Variants in PDE6C observed in about 807,000 individuals in gnomAD.
PDE6C encodes cone cGMP-specific 3',5'-cyclic phosphodiesterase subunit alpha'.
PDE6C carries 75 observed loss-of-function variants against 113.1 expected under a neutral mutation model. The observed-to-expected ratio is 0.66, with a 90% CI of 0.55 to 0.80. The LOEUF is 0.80. PDE6C is among the 30% of genes least tolerant of loss of function. PDE6C has a pLI of 0.00. For synonymous variants in PDE6C, 375 were observed against 363.7 expected (o/e 1.03, Z -0.35); for missense variants, 912 against 1,038.6 (o/e 0.88, Z 1.67).
chr10:93,639,056 A>G (rs780670182), intron 11 of PDE6C, among the ~76,000 whole-genome samples: 8 of 152,194 alleles, frequency 5.3e-5, no homozygotes, highest in Non-Finnish European at 8.8e-5. Context: ...TACACATTCA[A>G]ATAAATACCC....
chr10:93,651,497 A>G (rs1436451034), intron 15 of PDE6C, among the ~76,000 whole-genome samples: 1 of 151,966 alleles, frequency 6.6e-6, no homozygotes, highest in Non-Finnish European at 1.5e-5. Flanking sequence ...AAAACCATCA[A>G]CTCTTGTGAG....
intron 21 of PDE6C, 137 bp downstream of exon 21, chr10:93,663,315 C>A: frequency 1.2e-6 from 1 of 860,844 alleles, no homozygotes; most frequent in Non-Finnish European, 1.9e-6. Context: ...TTTTAACAGG[C>A]CGATTAGTGG....
chr10:93,663,209 A>G, intron 21 of PDE6C, 31 bp downstream of exon 21: 1 of 1,607,478 alleles, frequency 6.2e-7, no homozygotes. Context: ...GCTCCCTGTA[A>G]TGTAGCCAGA....
chr10:93,619,958 G>C (rs1393215456), intron 1 of PDE6C, among the ~76,000 whole-genome samples: 1 of 152,184 alleles, frequency 6.6e-6, no homozygotes, highest in Middle Eastern at 3.4e-3. Context: ...AAATCTAAGA[G>C]GTGAGTTCAC....
chr10:93,620,534 G>C (rs1419890522), intron 1 of PDE6C, 98 bp from the exon 2 acceptor site: 16 of 1,251,780 alleles, frequency 1.3e-5, no homozygotes, highest in Non-Finnish European at 1.9e-5. Flanking sequence ...TTATCTGTTG[G>C]TAGCATTTAA....
chr10:93,632,690 A>T (rs1181433629), intron 8 of PDE6C, among the ~76,000 whole-genome samples: 1 of 152,232 alleles, frequency 6.6e-6, no homozygotes, highest in Admixed American at 6.5e-5. Flanking sequence ...CTTGGTTCGT[A>T]TGATGGTGTA....
intron 8 of PDE6C, among the ~76,000 whole-genome samples, chr10:93,633,671 A>C (rs1358707815): frequency 1.3e-5 from 2 of 152,140 alleles, no homozygotes; most frequent in Admixed American, 6.5e-5. Flanking sequence ...GAGGCTTGAC[A>C]AATGTTTACT....
chr10:93,663,636 AG>A (rs1278412100), intron 21 of PDE6C, among the ~76,000 whole-genome samples: 7 of 152,202 alleles, frequency 4.6e-5, no homozygotes, highest in Admixed American at 4.6e-4. Context: ...CTTCAGCTTA[AG>A]GAAGCCCTAC....
intron 7 of PDE6C, among the ~76,000 whole-genome samples, chr10:93,627,515 AT>A (rs2058479500): frequency 6.6e-6 from 1 of 152,134 alleles, no homozygotes; most frequent in Non-Finnish European, 1.5e-5. Flanking sequence ...ACATCAGTCA[AT>A]TTTTTAAAGC....
At position 93,622,127 on chromosome 10, in the gene PDE6C, C is replaced by T. The variant is rs185913538; in HGVS notation, c.864+55C>T. Reference sequence around the variant, plus strand: ...TCTCACATCGCCTATATAACACACACCACAGGAAATGTGATCCTTAAAAAA... The same window carrying T: ...TCTCACATCGCCTATATAACACACATCACAGGAAATGTGATCCTTAAAAAA... On this transcript the variant is annotated intron_variant, in intron 4 of 21. Coordinates refer to ENST00000371447, the MANE Select transcript of PDE6C (RefSeq NM_006204.4). The T allele has an allele frequency of 6.9e-5, 104 of 1,508,180 alleles. No homozygotes were observed. The African/African-American group carries it at 1.2e-3, about 18-fold the overall frequency. 93.4% of individuals were successfully genotyped at this position (1,508,180 alleles called of 1,614,324 possible). A position where few individuals can be genotyped will look rare whatever the true frequency, so the allele number is the denominator to read the frequency against.
intron 1 of PDE6C, 92 bp from the exon 2 acceptor site, chr10:93,620,540 T>C (rs1000694868): frequency 7.5e-7 from 1 of 1,338,632 alleles, no homozygotes; most frequent in Non-Finnish European, 1.1e-6. Flanking sequence ...GTTGGTAGCA[T>C]TTAAATGAGA....
At chr10:93,627,938 G>T (rs1357050152) in intron 7 of PDE6C, among the ~76,000 whole-genome samples, 1 of 152,128 alleles carries the variant, frequency 6.6e-6, no homozygotes, top group African/African-American at 2.4e-5. Context: ...ACTTACCTTG[G>T]GGCCGAGAGG....
intron 19 of PDE6C, among the ~76,000 whole-genome samples, chr10:93,662,350 C>T (rs925966590): frequency 6.6e-6 from 1 of 151,442 alleles, no homozygotes; most frequent in Non-Finnish European, 1.5e-5. Flanking sequence ...GTAGTCCCAG[C>T]CACTCGGGAG....
chr10:93,642,665 T>A (rs2058565407), intron 14 of PDE6C, among the ~76,000 whole-genome samples: 1 of 152,172 alleles, frequency 6.6e-6, no homozygotes, highest in Non-Finnish European at 1.5e-5. Context: ...TATTTGAGAT[T>A]CAGTTTCTTA....
intron 14 of PDE6C, among the ~76,000 whole-genome samples, chr10:93,642,101 C>T (rs765482819): frequency 1.1e-4 from 17 of 152,166 alleles, no homozygotes; most frequent in Non-Finnish European, 2.2e-4. Flanking sequence ...TGCGGTGGCT[C>T]ACGCCTATAA....
chr10:93,661,962 G>T (rs1016594682), intron 18 of PDE6C, 97 bp from the exon 19 acceptor site: 2 of 802,104 alleles, frequency 2.5e-6, no homozygotes, highest in African/African-American at 3.4e-5. Flanking sequence ...CTCAAACATT[G>T]ACTGTAAACT....
In PDE6C at chr10:93,645,972, A is replaced by G. The variant is rs748078571; in HGVS notation, c.1860A>G (p.Pro620=). The G allele has an allele frequency of 1.3e-5, 21 of 1,601,722 alleles. No individual in the cohort carries two copies. The South Asian group carries it at 1.7e-4, about 13-fold the overall frequency. ...NNLYQMKSTS[P]LARLHGSSIL... ...GTTTTCCTTCTAGATCCACGTCTCC[A>G]TTAGCAAGACTTCATGGTTCTTCTA... Residue 620 remains proline, a synonymous_variant, in exon 15 of 22, where the codon CCA becomes CCG. Transcript: ENST00000371447.
intron 3 of PDE6C, among the ~76,000 whole-genome samples, chr10:93,621,332 T>G (rs1229530427): frequency 6.6e-6 from 1 of 152,256 alleles, no homozygotes; most frequent in Non-Finnish European, 1.5e-5. Flanking sequence ...TTTGTAGAAA[T>G]TCCTGGGTCA....
chr10:93,664,809 C>G (rs1159305885), intron 21 of PDE6C, among the ~76,000 whole-genome samples: 2 of 152,158 alleles, frequency 1.3e-5, no homozygotes, highest in Admixed American at 6.6e-5. Flanking sequence ...TGCATTGTCT[C>G]AGTGAGAAAC....
Sources: gnomAD v4.1 joint callset for allele counts (sites outside exome capture counted in the v4.1 genomes callset) on GRCh38, gnomAD v4.1.1 for gene constraint, MANE v1.5 for transcripts, NCBI Gene and HGNC (gene_info 2026-07-23, HGNC 2026-07-21) for gene names.